The following NR6A1 variants were observed in gnomAD, a reference collection of about 807,000 sequenced individuals.
The protein encoded by NR6A1 is nuclear receptor subfamily 6 group A member 1.
Under a neutral mutation model 59.1 loss-of-function variants are expected in NR6A1, and 7 were observed. That is an observed-to-expected ratio of 0.12 (90% CI 0.07 to 0.22). The LOEUF is 0.22. Ranked by LOEUF, NR6A1 falls within the 10% of genes least tolerant of loss-of-function variation. NR6A1 has a pLI of 1.00. For missense variants in NR6A1, 468 were observed against 611.6 expected, an observed-to-expected ratio of 0.77 and a Z score of 2.48; for synonymous variants, 243 against 236.1, an observed-to-expected ratio of 1.03 and a Z score of -0.27.
At chr9:124,595,917 A>G in intron 2 of NR6A1, 2 of 855,036 alleles carry the variant, frequency 2.3e-6, no homozygotes, top group Non-Finnish European at 3.3e-6. Context: ...TCAGTTTACA[A>G]GCTGGTCATG....
chr9:124,728,614 G>A (rs1384125283), intron 2 of NR6A1, among the ~76,000 whole-genome samples: 2 of 150,206 alleles, frequency 1.3e-5, no homozygotes, highest in East Asian at 4.1e-4. Flanking sequence ...TAGCCTGGGT[G>A]ACAGAGCGAG....
chr9:124,551,091 C>T (rs1033776841), intron 3 of NR6A1, among the ~76,000 whole-genome samples: 3 of 151,914 alleles, frequency 2.0e-5, no homozygotes, highest in African/African-American at 7.3e-5. Flanking sequence ...CCTTAAGATG[C>T]TCCAGGATCA....
At position 124,650,452 on chromosome 9, in the gene NR6A1, G is replaced by A. The variant is rs369801074; in HGVS notation, c.142+82856C>T. On this transcript the variant is annotated intron_variant, in intron 2 of 9. Transcript: ENST00000487099. ...AGGCTGGGAAGGGTAGAGGGACAGT[G>A]GGGGATGAAGAGAGGTTGGTTAATA... 2.7e-4 allele frequency among the ~76,000 whole-genome samples: 41 copies of A among 152,256 alleles called. 1 individual carries two copies. In the South Asian group the frequency reaches 5.6e-3, roughly 21 times the overall value.
At chr9:124,686,702 G>C (rs1838342079) in intron 2 of NR6A1, among the ~76,000 whole-genome samples, 1 of 148,406 alleles carries the variant, frequency 6.7e-6, no homozygotes, top group African/African-American at 2.5e-5. Flanking sequence ...TTCTTTAAAA[G>C]TCTTTTTTTT....
At chr9:124,641,537 A>T (rs1836767185) in intron 2 of NR6A1, among the ~76,000 whole-genome samples, 1 of 151,910 alleles carries the variant, frequency 6.6e-6, no homozygotes, top group Non-Finnish European at 1.5e-5. Context: ...CTCCATCTCT[A>T]CAAAAAATAA....
intron 2 of NR6A1, among the ~76,000 whole-genome samples, chr9:124,613,673 AAAAT>A (rs1835815670): frequency 6.6e-6 from 1 of 152,130 alleles, no homozygotes; most frequent in South Asian, 2.1e-4. Flanking sequence ...AACAAAACAA[AAAAT>A]AAATAAGTAA....
intron 2 of NR6A1, among the ~76,000 whole-genome samples, chr9:124,714,137 T>A (rs532793562): frequency 1.3e-5 from 2 of 152,280 alleles, no homozygotes; most frequent in Non-Finnish European, 2.9e-5. Flanking sequence ...AATAAGCCAG[T>A]TACAAAAGGA....
chr9:124,733,324 C>G lies in NR6A1; in HGVS notation c.126G>C (p.Glu42Asp), dbSNP rs1304459386. ...AGAACTTACTAGTGCCTGGGTCAAG[C>G]TCTGCCAATTCATCCTGACAGAAAC... ...RNGFCQDELA[E>D]LDPGTISVSD... The change falls in exon 2 of 10, where the codon GAG (glutamate) becomes GAC (aspartate). Residue 42 changes from glutamate (E) to aspartate (D), a missense_variant. By Grantham distance (45) the Glu-to-Asp change is conservative. Around this residue, in one of 4 missense-constraint regions of NR6A1, gnomAD observed 75 missense variants for 65.6 expected, o/e 1.14. Transcript: ENST00000487099. The G allele has an allele frequency of 6.2e-7, 1 of 1,613,030 alleles. No individual in the cohort carries two copies. The highest frequency in any genetic ancestry group is 8.5e-7 in the Non-Finnish European group (1 of 1,179,182).
chr9:124,744,610 C>T (rs1239541470), intron 1 of NR6A1, among the ~76,000 whole-genome samples: 2 of 152,224 alleles, frequency 1.3e-5, no homozygotes, highest in African/African-American at 4.8e-5. Context: ...AGCAGGACCT[C>T]AACGTCCAAG....
At chr9:124,726,330 T>C (rs533214823) in intron 2 of NR6A1, among the ~76,000 whole-genome samples, 51 of 152,328 alleles carry the variant, frequency 3.3e-4, no homozygotes, top group Admixed American at 2.2e-3. Flanking sequence ...CTAACTGTCC[T>C]GCACCTCTAG....
intron 2 of NR6A1, among the ~76,000 whole-genome samples, chr9:124,661,301 G>C (rs1322690373): frequency 2.0e-5 from 3 of 152,180 alleles, no homozygotes; most frequent in Non-Finnish European, 4.4e-5. Context: ...ATGAGGGAGA[G>C]ATACTTCTCC....
chr9:124,601,028 C>T (rs1231068855), intron 2 of NR6A1, among the ~76,000 whole-genome samples: 1 of 151,326 alleles, frequency 6.6e-6, no homozygotes, highest in African/African-American at 2.4e-5. Context: ...GCAATCCCAG[C>T]ACTTTGGGAG....
intron 1 of NR6A1, among the ~76,000 whole-genome samples, chr9:124,735,639 A>G (rs1840000825): frequency 6.6e-6 from 1 of 152,258 alleles, no homozygotes; most frequent in Admixed American, 6.5e-5. Flanking sequence ...GGCTGATCTC[A>G]GACCAGCTTT....
chr9:124,767,487 TG>T (rs1450393203), intron 1 of NR6A1, among the ~76,000 whole-genome samples: 1 of 148,552 alleles, frequency 6.7e-6, no homozygotes, highest in Non-Finnish European at 1.5e-5. Flanking sequence ...TAGCCGTCTT[TG>T]GAGGTCACAG....
At chr9:124,696,625 T>C (rs1048832626) in intron 2 of NR6A1, among the ~76,000 whole-genome samples, 5 of 144,618 alleles carry the variant, frequency 3.5e-5, no homozygotes, top group African/African-American at 1.3e-4. Flanking sequence ...TGGGTTCAAC[T>C]GATCCTCTCA....
At chr9:124,701,555 C>T (rs765812776) in intron 2 of NR6A1, among the ~76,000 whole-genome samples, 1 of 152,170 alleles carries the variant, frequency 6.6e-6, no homozygotes. Flanking sequence ...ACTACTTATC[C>T]TCCATTTCCC....
chr9:124,643,600 C>CAA (rs758727432), intron 2 of NR6A1, among the ~76,000 whole-genome samples: 14 of 93,368 alleles, frequency 1.5e-4, no homozygotes, highest in East Asian at 6.1e-4. Context: ...GACCCAATCT[C>CAA]AAAAAAAAAA....
chr9:124,762,379 T>C (rs1322817626), intron 1 of NR6A1, among the ~76,000 whole-genome samples: 1 of 152,224 alleles, frequency 6.6e-6, no homozygotes, highest in Non-Finnish European at 1.5e-5. Context: ...TGGCATTGTT[T>C]TACATTTTGC....
chr9:124,537,337 T>C (rs1411394983), intron 6 of NR6A1, among the ~76,000 whole-genome samples: 1 of 152,202 alleles, frequency 6.6e-6, no homozygotes, highest in Non-Finnish European at 1.5e-5. Flanking sequence ...TCCGCCCACC[T>C]AGGCCTTCCA....
Sources: allele counts gnomAD v4.1 joint callset (sites outside exome capture counted in the v4.1 genomes callset), GRCh38; gene constraint gnomAD v4.1.1; regional missense constraint gnomAD v4.1.1; transcripts MANE v1.5; gene names NCBI Gene and HGNC (gene_info 2026-07-23, HGNC 2026-07-21).